NKAIN2: variants seen among roughly 807,000 people sequenced by gnomAD.
NKAIN2 encodes the protein sodium/potassium transporting ATPase interacting 2.
In NKAIN2, 14 loss-of-function variants were observed where a neutral mutation model predicts 32.6. That is an observed-to-expected ratio of 0.43 (90% CI 0.28 to 0.67). The LOEUF (loss-of-function observed/expected upper bound fraction) is 0.67. NKAIN2 is among the 30% of genes least tolerant of loss of function. NKAIN2 has a pLI of 0.17. For missense variants in NKAIN2, 198 were observed against 258.3 expected (o/e 0.77, Z 1.60); for synonymous variants, 80 against 87.2 (o/e 0.92, Z 0.46).
intron 3 of NKAIN2, among the ~76,000 whole-genome samples, chr6:124,611,961 A>G (rs1276993461): frequency 6.6e-6 from 1 of 152,108 alleles, no homozygotes; most frequent in East Asian, 1.9e-4. Context: ...TGTAGACATC[A>G]CTGAATTTCA....
chr6:124,063,953 A>G (rs74634121), intron 1 of NKAIN2, among the ~76,000 whole-genome samples: 2 of 150,742 alleles, frequency 1.3e-5, no homozygotes, highest in Non-Finnish European at 2.9e-5. Flanking sequence ...TAAAACATAT[A>G]ATTTTTTTTT....
At chr6:123,968,131 C>T (rs1442731055) in intron 1 of NKAIN2, among the ~76,000 whole-genome samples, 3 of 152,182 alleles carry the variant, frequency 2.0e-5, no homozygotes, top group Non-Finnish European at 2.9e-5. Context: ...TTGGAATTCT[C>T]GCCCAACTTT....
intron 1 of NKAIN2, among the ~76,000 whole-genome samples, chr6:123,945,178 G>A (rs1777007048): frequency 6.6e-6 from 1 of 151,936 alleles, no homozygotes; most frequent in African/African-American, 2.4e-5. Flanking sequence ...TTTAAACCTA[G>A]CACAGGGTGC....
At chr6:123,968,247 GAA>G in intron 1 of NKAIN2, among the ~76,000 whole-genome samples, 1 of 152,306 alleles carries the variant, frequency 6.6e-6, no homozygotes, top group South Asian at 2.1e-4. Context: ...AGAGCAAAGA[GAA>G]AGAGGTGGGC....
At chr6:124,390,793 C>T (rs968428125) in intron 3 of NKAIN2, 1 of 152,046 alleles carries the variant, frequency 6.6e-6, no homozygotes, top group African/African-American at 2.4e-5. Flanking sequence ...GAAGAAAGCA[C>T]CAGAACTGCA....
rs530540530 is a variant in NKAIN2 at position 124,706,974 on chromosome 6, A to G, written c.474+48588A>G. Among the ~76,000 whole-genome samples, 332 of 150,384 alleles carry G rather than the reference A, an allele frequency of 2.2e-3. 2 individuals are homozygous for G. The highest frequency in any genetic ancestry group is 4.9e-3 in the African/African-American group (199 of 40,942). On this transcript the variant is annotated intron_variant, in intron 4 of 6. Transcript: ENST00000368417. ...TCATCTAGCATTAGTATATCTCCCAATGCTATCCGTCCCCCCTCCCCCCAC... is the reference window on the plus strand; with the variant it reads ...TCATCTAGCATTAGTATATCTCCCAGTGCTATCCGTCCCCCCTCCCCCCAC...
intron 2 of NKAIN2, among the ~76,000 whole-genome samples, chr6:124,353,054 A>G (rs779938641): frequency 6.6e-6 from 1 of 152,214 alleles, no homozygotes; most frequent in African/African-American, 2.4e-5. Flanking sequence ...TACATGAATG[A>G]TCATAGTAAA....
chr6:124,086,192 C>T (rs1193926077), intron 1 of NKAIN2, among the ~76,000 whole-genome samples: 1 of 151,954 alleles, frequency 6.6e-6, no homozygotes, highest in African/African-American at 2.4e-5. Flanking sequence ...TACCCCTCTC[C>T]AGCTCCCAAC....
At chr6:124,425,795 G>GA (rs1161882072) in intron 3 of NKAIN2, among the ~76,000 whole-genome samples, 3 of 151,956 alleles carry the variant, frequency 2.0e-5, no homozygotes, top group African/African-American at 7.2e-5. Flanking sequence ...ACCAAAAAGA[G>GA]AAAAAATAAC....
intron 1 of NKAIN2, among the ~76,000 whole-genome samples, chr6:124,050,851 G>A (rs942095222): frequency 2.0e-5 from 3 of 151,978 alleles, no homozygotes; most frequent in Non-Finnish European, 4.4e-5. Context: ...CCAGGACTGA[G>A]TAGAATCAAT....
At chr6:123,981,807 T>C (rs955459010) in intron 1 of NKAIN2, among the ~76,000 whole-genome samples, 2 of 151,902 alleles carry the variant, frequency 1.3e-5, no homozygotes, top group Non-Finnish European at 2.9e-5. Flanking sequence ...GATGTGAGTG[T>C]GTTGAGGGAG....
chr6:123,816,529 G>A (rs7769832), intron 1 of NKAIN2, among the ~76,000 whole-genome samples: 25,751 of 152,090 alleles, frequency 0.17, 5,102 homozygotes, highest in African/African-American at 0.48. Flanking sequence ...TTATTTCTCC[G>A]TCAGCACCCA....
chr6:124,023,518 G>T (rs573768114), intron 1 of NKAIN2, among the ~76,000 whole-genome samples: 3 of 151,958 alleles, frequency 2.0e-5, no homozygotes, highest in African/African-American at 7.2e-5. Flanking sequence ...GCCTACCTTT[G>T]TTCATTTTTA....
chr6:124,125,172 G>A (rs962836452), intron 1 of NKAIN2, among the ~76,000 whole-genome samples: 17 of 152,094 alleles, frequency 1.1e-4, no homozygotes, highest in African/African-American at 3.6e-4. Context: ...GTATACAAGA[G>A]TATGTTTGAT....
chr6:124,701,681 T>C (rs1295771555), intron 4 of NKAIN2, among the ~76,000 whole-genome samples: 4 of 152,104 alleles, frequency 2.6e-5, no homozygotes, highest in Non-Finnish European at 5.9e-5. Flanking sequence ...AACAGGAGCG[T>C]ACATACATTT....
At chr6:124,150,802 A>G (rs1787678619) in intron 1 of NKAIN2, among the ~76,000 whole-genome samples, 1 of 152,160 alleles carries the variant, frequency 6.6e-6, no homozygotes, top group South Asian at 2.1e-4. Context: ...ACAAACTTAG[A>G]ACAATTTTTC....
At chr6:124,199,610 A>G (rs999263899) in intron 1 of NKAIN2, among the ~76,000 whole-genome samples, 2 of 152,176 alleles carry the variant, frequency 1.3e-5, no homozygotes, top group Non-Finnish European at 2.9e-5. Context: ...AAATGTAGGG[A>G]GAAAATATGA....
chr6:124,192,741 GTTTTT>G (rs1205303294), intron 1 of NKAIN2, among the ~76,000 whole-genome samples: 2 of 77,186 alleles, frequency 2.6e-5, no homozygotes, highest in African/African-American at 1.1e-4. Flanking sequence ...AGTTCCATCC[GTTTTT>G]TTTTTTTTTT....
intron 3 of NKAIN2, among the ~76,000 whole-genome samples, chr6:124,508,159 A>G (rs1778562537): frequency 6.6e-6 from 1 of 151,584 alleles, no homozygotes; most frequent in Non-Finnish European, 1.5e-5. Flanking sequence ...AGAGAGGCTA[A>G]GGTGGGAAGA....
Sources: allele counts gnomAD v4.1 joint callset (sites outside exome capture counted in the v4.1 genomes callset), GRCh38; gene constraint gnomAD v4.1.1; transcripts MANE v1.5; gene names NCBI Gene and HGNC (gene_info 2026-07-23, HGNC 2026-07-21).